CRACDL: variants seen among roughly 807,000 people sequenced by gnomAD.
CRACDL encodes CRACD like, also known as CRACD-like protein.
Under a neutral mutation model 70.6 loss-of-function variants are expected in CRACDL, and 26 were observed. The ratio of observed to expected loss-of-function variants is 0.37; its 90% CI spans 0.27 to 0.51. CRACDL has a LOEUF of 0.51. Ranked by LOEUF, CRACDL falls within the 20% of genes least tolerant of loss-of-function variation. CRACDL has a pLI of 0.94. For synonymous variants in CRACDL, 618 were observed against 615.2 expected, an observed-to-expected ratio of 1.00 and a Z score of -0.07; for missense variants, 1,283 against 1,376.9, an observed-to-expected ratio of 0.93 and a Z score of 1.08.
intron 6 of CRACDL, 66 bp downstream of exon 6, chr2:98,826,909 G>A (rs552233535): frequency 2.3e-5 from 30 of 1,288,900 alleles, no homozygotes; most frequent in Admixed American, 1.3e-4. Flanking sequence ...GGCAGGTTGG[G>A]GGGGGGCATA....
At chr2:98,878,446 C>T (rs1274443121) in intron 1 of CRACDL, among the ~76,000 whole-genome samples, 1 of 152,212 alleles carries the variant, frequency 6.6e-6, no homozygotes, top group African/African-American at 2.4e-5. Flanking sequence ...AAACAGGCCA[C>T]ATGTAGCCTC....
At chr2:98,903,485 C>G (rs758254467) in intron 1 of CRACDL, among the ~76,000 whole-genome samples, 1 of 152,136 alleles carries the variant, frequency 6.6e-6, no homozygotes, top group Non-Finnish European at 1.5e-5. Flanking sequence ...AAGGAGTCCT[C>G]TAACTGTTTC....
At chr2:98,834,920 GTAA>G (rs1705707179) in intron 3 of CRACDL, among the ~76,000 whole-genome samples, 1 of 152,120 alleles carries the variant, frequency 6.6e-6, no homozygotes, top group Admixed American at 6.5e-5. Flanking sequence ...CTTATTAGTA[GTAA>G]TAATAATTAA....
At chr2:98,812,003 G>A (rs1248404511) in intron 7 of CRACDL, among the ~76,000 whole-genome samples, 6 of 152,132 alleles carry the variant, frequency 3.9e-5, no homozygotes, top group African/African-American at 1.2e-4. Context: ...TTGAGACAGT[G>A]TTGCTCTGTC....
rs186269476 is a variant in CRACDL, at chr2:98,835,032, A to G, written c.240-2035T>C. Among the ~76,000 whole-genome samples the G allele has an allele frequency of 8.5e-5, 13 of 152,346 alleles. No individual in the cohort carries two copies. The East Asian group carries it at 2.5e-3, about 29-fold the overall frequency. On this transcript the variant is annotated intron_variant, in intron 3 of 9. Coordinates refer to ENST00000397899, the MANE Select transcript of CRACDL (RefSeq NM_207362.3). Reference sequence around the variant, plus strand: ...AGTATTTATAATATTTTTAACTTCCATATAGGGAAGGGATAAGGAAATTAT... The same window carrying G: ...AGTATTTATAATATTTTTAACTTCCGTATAGGGAAGGGATAAGGAAATTAT...
In CRACDL at chr2:98,810,802, A is replaced by G. The variant is rs184023096; in HGVS notation, c.2416+11055T>C. The stretch of plus-strand genomic sequence containing the variant: ...CTATCATAGAGAAACAACCGTGTAA[A>G]TACATAGGGATTAAAATGGACAAGA... On this transcript the variant is annotated intron_variant, in intron 7 of 9. Coordinates refer to ENST00000397899, the MANE Select transcript of CRACDL (RefSeq NM_207362.3). Among the ~76,000 whole-genome samples, 3 of 152,332 alleles carry G rather than the reference A, an allele frequency of 2.0e-5. No homozygotes were observed. In the East Asian group the frequency reaches 5.8e-4, roughly 29 times the overall value.
chr2:98,822,167 C>G lies in CRACDL; in HGVS notation c.2106G>C (p.Glu702Asp), dbSNP rs1483609024. Residue 702 changes from glutamate (E) to aspartate (D), a missense_variant, in exon 7 of 10, where the codon GAG becomes GAC. By Grantham distance (45) the Glu-to-Asp change is conservative. Around this residue, in one of 2 missense-constraint regions of CRACDL, gnomAD observed 921 missense variants for 881.9 expected, o/e 1.04. Coordinates refer to ENST00000397899, the MANE Select transcript of CRACDL (RefSeq NM_207362.3). This position sits in a 1 kb window ranked among gnomAD's most constrained non-coding sequence, Gnocchi z 4.9. ...SLKYRDGASQ[E>D]VKGVKRYSAE... ...CACTGTACCTCTTCACACCCTTCAC[C>G]TCCTGAGAGGCGCCATCCCTGTATT... is the stretch of plus-strand genomic sequence containing the variant. 4.1e-5 allele frequency: 66 copies of G among 1,609,794 alleles called. No individual in the cohort carries two copies. Among genetic ancestry groups the G allele is most frequent in the Non-Finnish European group, 4.8e-5 (56 of 1,178,440 alleles).
chr2:98,823,095 C>T lies in CRACDL; in HGVS notation c.1178G>A (p.Cys393Tyr), dbSNP rs1412877266. The T allele has an allele frequency of 1.9e-6, 3 of 1,579,134 alleles. No individual in the cohort carries two copies. Among genetic ancestry groups the T allele is most frequent in the Admixed American group, 1.8e-5 (1 of 56,746 alleles). Residue 393 changes from cysteine (C) to tyrosine (Y), a missense_variant, in exon 7 of 10, where the codon TGT (cysteine) becomes TAT (tyrosine). Transcript: ENST00000397899. The surrounding 1 kb of genome is among the most constrained non-coding windows in gnomAD (Gnocchi z 4.0). Reference protein sequence around the residue: ...PATDKAEEVVCAPEDVASPFP... With the variant: ...PATDKAEEVVYAPEDVASPFP... ...CGGGCTCGCGACGTCTTCGGGAGCA[C>T]AGACCACCTCCTCCGCCTTGTCCGT... is the stretch of plus-strand genomic sequence containing the variant.
Position 98,892,805 on chromosome 2 carries a change from T to C in CRACDL, c.-11+43133A>G, listed in dbSNP as rs187254930. Among the ~76,000 whole-genome samples the C allele has an allele frequency of 2.0e-4, 31 of 152,312 alleles. No individual in the cohort carries two copies. The East Asian group carries it at 3.9e-3, about 19-fold the overall frequency. On this transcript the variant is annotated intron_variant, in intron 1 of 9. Coordinates refer to ENST00000397899, the MANE Select transcript of CRACDL (RefSeq NM_207362.3). ...CCTAAACCCTAATATGCATATTATA[T>C]ATATGTAAATGTAGCCAGTGATAGA...
chr2:98,911,401 C>T lies in CRACDL; in HGVS notation c.-11+24537G>A, dbSNP rs1484797236. ...GAGTCCACAGCACTTAGCAAGGGGC[C>T]TCCACATGCCACGGATTACATCAGG... is the stretch of plus-strand genomic sequence containing the variant. On this transcript the variant is annotated intron_variant, in intron 1 of 9. Transcript: ENST00000397899. 2.0e-5 allele frequency among the ~76,000 whole-genome samples: 3 copies of T among 152,192 alleles called. No individual in the cohort carries two copies. In the East Asian group the frequency reaches 5.8e-4, roughly 29 times the overall value.
Position 98,822,847 on chromosome 2 carries a change from G to A in CRACDL, c.1426C>T (p.Pro476Ser). The A allele has an allele frequency of 1.4e-6, 2 of 1,447,270 alleles. No individual in the cohort carries two copies. The highest frequency in any genetic ancestry group is 1.4e-5 in the South Asian group (1 of 69,410). The allele number at this position is 1,447,270 out of a possible 1,614,324, so 89.7% of individuals were successfully genotyped here. A position where few individuals can be genotyped will look rare whatever the true frequency, so the allele number is the denominator to read the frequency against. The change falls in exon 7 of 10, where the codon CCC becomes TCC. Residue 476 changes from proline (P) to serine (S), a missense_variant. Pro to Ser is a moderately conservative substitution (Grantham distance 74). Around this residue, in one of 2 missense-constraint regions of CRACDL, gnomAD observed 921 missense variants for 881.9 expected, o/e 1.04. Coordinates refer to ENST00000397899, the MANE Select transcript of CRACDL (RefSeq NM_207362.3). This position sits in a 1 kb window ranked among gnomAD's most constrained non-coding sequence, Gnocchi z 4.9. ...GAGGGCTCGGTCCCAATTCTCTCGG[G>A]CTCGGTCCCCGCTCCTCTCTCGGGC... ...TEPERGAGTEPERIGTEPSTA... is the reference protein window; with the variant it reads ...TEPERGAGTESERIGTEPSTA...
At chr2:98,878,707 G>A (rs1034516263) in intron 1 of CRACDL, among the ~76,000 whole-genome samples, 5 of 152,196 alleles carry the variant, frequency 3.3e-5, no homozygotes, top group African/African-American at 9.6e-5. Context: ...GCTCCTCGAC[G>A]TACTATGGGG....
At chr2:98,849,068 G>A (rs1016942772) in intron 1 of CRACDL, among the ~76,000 whole-genome samples, 10 of 152,206 alleles carry the variant, frequency 6.6e-5, no homozygotes, top group Non-Finnish European at 1.3e-4. Context: ...CCAGTGAAGG[G>A]CAGAGCCCTG....
chr2:98,832,126 T>TA (rs1411997061), intron 5 of CRACDL, among the ~76,000 whole-genome samples: 1 of 152,024 alleles, frequency 6.6e-6, no homozygotes, highest in African/African-American at 2.4e-5. Flanking sequence ...TCACCCTCAT[T>TA]AAAAAAAGTC....
intron 1 of CRACDL, among the ~76,000 whole-genome samples, chr2:98,866,472 CTTCTTTTTTT>C (rs1361468137): frequency 0.36 from 37,952 of 106,252 alleles, 6,325 homozygotes; most frequent in African/African-American, 0.45. Context: ...ACAATCACTT[CTTCTTTTTTT>C]TTTTTTTTTT....
At chr2:98,901,916 C>G (rs543947323) in intron 1 of CRACDL, among the ~76,000 whole-genome samples, 1 of 152,024 alleles carries the variant, frequency 6.6e-6, no homozygotes, top group Admixed American at 6.6e-5. Flanking sequence ...GCGAGCCGGG[C>G]GAAGCAGTAA....
chr2:98,813,616 A>C (rs889975671), intron 7 of CRACDL, among the ~76,000 whole-genome samples: 33 of 152,208 alleles, frequency 2.2e-4, no homozygotes, highest in African/African-American at 8.0e-4. Context: ...GAAAACTATA[A>C]AAATTTTAGA....
At chr2:98,932,702 C>G (rs1288469861) in intron 1 of CRACDL, among the ~76,000 whole-genome samples, 1 of 152,184 alleles carries the variant, frequency 6.6e-6, no homozygotes, top group Non-Finnish European at 1.5e-5. Context: ...CTCTCCCAGT[C>G]TTTTTCAGGT....
chr2:98,933,514 A>G (rs1446455288), intron 1 of CRACDL, among the ~76,000 whole-genome samples: 1 of 152,226 alleles, frequency 6.6e-6, no homozygotes, highest in African/African-American at 2.4e-5. Context: ...TTCACTAGGG[A>G]CAGCAAAATC....
Sources: gnomAD v4.1 joint callset for allele counts (sites outside exome capture counted in the v4.1 genomes callset) on GRCh38, gnomAD v4.1.1 for gene constraint, gnomAD v4.1.1 regional missense constraint, Gnocchi (gnomAD v3.1) non-coding constraint, MANE v1.5 for transcripts, NCBI Gene and HGNC (gene_info 2026-07-23, HGNC 2026-07-21) for gene names.